Variants in CNTNAP2 observed in about 807,000 individuals in gnomAD.
The protein encoded by CNTNAP2 is contactin associated protein 2.
Under a neutral mutation model 155.2 loss-of-function variants are expected in CNTNAP2, and 98 were observed. That is an observed-to-expected ratio of 0.63 (90% CI 0.54 to 0.75). The LOEUF is 0.75. CNTNAP2 is among the 30% of genes least tolerant of loss of function. CNTNAP2 has a pLI of 0.00. For missense variants in CNTNAP2, 1,727 were observed against 1,688.1 expected, an observed-to-expected ratio of 1.02 and a Z score of -0.40; for synonymous variants, 651 against 631.2, an observed-to-expected ratio of 1.03 and a Z score of -0.47.
intron 1 of CNTNAP2, among the ~76,000 whole-genome samples, chr7:146,586,628 C>T (rs1176351878): frequency 2.0e-5 from 3 of 152,018 alleles, no homozygotes; most frequent in Non-Finnish European, 4.4e-5. Flanking sequence ...CACACATAAA[C>T]ATGCACACAT....
At chr7:146,341,935 T>A (rs936517785) in intron 1 of CNTNAP2, among the ~76,000 whole-genome samples, 4 of 152,216 alleles carry the variant, frequency 2.6e-5, no homozygotes, top group Admixed American at 2.0e-4. Context: ...AAAAACATTT[T>A]AGTACTTTAT....
At chr7:147,840,334 G>A (rs1285405862) in intron 13 of CNTNAP2, among the ~76,000 whole-genome samples, 4 of 151,918 alleles carry the variant, frequency 2.6e-5, no homozygotes, top group Non-Finnish European at 4.4e-5. Flanking sequence ...TTTAAAAAAC[G>A]AAAACAAAAT....
chr7:148,001,402 G>A (rs1801895000), intron 15 of CNTNAP2, among the ~76,000 whole-genome samples: 1 of 152,204 alleles, frequency 6.6e-6, no homozygotes, highest in Non-Finnish European at 1.5e-5. Flanking sequence ...GTTCTCAGCA[G>A]CCCACCTGGA....
chr7:146,739,120 G>C (rs1801667709), intron 1 of CNTNAP2, among the ~76,000 whole-genome samples: 1 of 151,416 alleles, frequency 6.6e-6, no homozygotes, highest in Admixed American at 6.6e-5. Flanking sequence ...CACTTTTCTA[G>C]TCTCTATTTT....
chr7:147,238,045 C>T (rs374991696), intron 8 of CNTNAP2, among the ~76,000 whole-genome samples: 12 of 152,270 alleles, frequency 7.9e-5, no homozygotes, highest in East Asian at 3.9e-4. Context: ...GACGGAGTCT[C>T]GCTCTGTCGC....
chr7:146,872,162 A>ATTTTTTTTTTTTTTTTTTT (rs144291754), intron 3 of CNTNAP2, among the ~76,000 whole-genome samples: 6 of 111,534 alleles, frequency 5.4e-5, no homozygotes, highest in Non-Finnish European at 7.3e-5. Flanking sequence ...AAATTATTGA[A>ATTTTTTTTTTTTTTTTTTT]TTTTTTTTTT....
At chr7:146,953,592 G>A (rs1252939602) in intron 3 of CNTNAP2, among the ~76,000 whole-genome samples, 1 of 151,864 alleles carries the variant, frequency 6.6e-6, no homozygotes, top group Admixed American at 6.6e-5. Context: ...AATACCTCTT[G>A]CATCATATAT....
chr7:146,829,790 A>G (rs112269091), intron 2 of CNTNAP2, among the ~76,000 whole-genome samples: 418 of 152,176 alleles, frequency 2.7e-3, no homozygotes, highest in African/African-American at 9.3e-3. Flanking sequence ...CTTCAGAGCA[A>G]TGTTACGAGA....
intron 10 of CNTNAP2, among the ~76,000 whole-genome samples, chr7:147,459,970 C>T (rs1294468573): frequency 5.9e-5 from 9 of 152,032 alleles, no homozygotes; most frequent in Non-Finnish European, 1.2e-4. Context: ...GGGAGGGGAA[C>T]ATCACACACC....
chr7:146,148,558 A>T (rs908155654), intron 1 of CNTNAP2, among the ~76,000 whole-genome samples: 4 of 152,130 alleles, frequency 2.6e-5, no homozygotes. Context: ...CCTACTGATA[A>T]AGACGTGCAC....
At position 146,550,419 on chromosome 7, in the gene CNTNAP2, T is replaced by TG. The variant is rs1201636256; in HGVS notation, c.98-223852_98-223851insG. ...TTAATCTGTTTTTTTTTTTTTTTTT[T>TG]TTTTTTTTTTATAAAGTACCCGAGA... On this transcript the variant is annotated intron_variant, in intron 1 of 23. Coordinates refer to ENST00000361727, the MANE Select transcript of CNTNAP2 (RefSeq NM_014141.6). Among the ~76,000 whole-genome samples the TG allele has an allele frequency of 2.0e-3, 288 of 142,358 alleles. 10 individuals carry two copies. Among genetic ancestry groups the TG allele is most frequent in the Middle Eastern group, 7.0e-3 (2 of 284 alleles). 93.4% of individuals were successfully genotyped at this position (142,358 alleles called of 152,430 possible).
At chr7:146,657,800 T>C (rs980336735) in intron 1 of CNTNAP2, among the ~76,000 whole-genome samples, 13 of 152,098 alleles carry the variant, frequency 8.5e-5, no homozygotes, top group Admixed American at 7.9e-4. Context: ...AAAGCAAAGA[T>C]TTGTCAAAGA....
At chr7:147,575,936 A>G (rs1011633443) in intron 12 of CNTNAP2, among the ~76,000 whole-genome samples, 18 of 152,022 alleles carry the variant, frequency 1.2e-4, no homozygotes, top group African/African-American at 3.9e-4. Context: ...AGATATTAAC[A>G]TTCTCTGTAA....
chr7:148,387,733 G>A (rs1799246159), intron 22 of CNTNAP2, among the ~76,000 whole-genome samples: 1 of 148,536 alleles, frequency 6.7e-6, no homozygotes, highest in Non-Finnish European at 1.5e-5. Flanking sequence ...TACCTGGGGA[G>A]CTTTTTAAAA....
intron 3 of CNTNAP2, among the ~76,000 whole-genome samples, chr7:146,928,163 T>C (rs936912435): frequency 1.3e-5 from 2 of 151,618 alleles, no homozygotes; most frequent in Non-Finnish European, 2.9e-5. Flanking sequence ...CAATGACCAG[T>C]GTAAAAATAA....
rs2116461375 is a variant in CNTNAP2 at position 147,728,387 on chromosome 7, A to G, written c.2098+89081A>G. 2.6e-5 allele frequency among the ~76,000 whole-genome samples: 4 copies of G among 152,198 alleles called. 1 individual carries two copies. The South Asian group carries it at 8.3e-4, about 32-fold the overall frequency. On this transcript the variant is annotated intron_variant, in intron 13 of 23. Coordinates refer to ENST00000361727, the MANE Select transcript of CNTNAP2 (RefSeq NM_014141.6). ...ATGTGTGTCATATATTATTTTGGAA[A>G]AAGAGGATTTTTAAACTGAATTCTT...
At chr7:147,878,816 A>G (rs192690648) in intron 13 of CNTNAP2, among the ~76,000 whole-genome samples, 6 of 152,314 alleles carry the variant, frequency 3.9e-5, no homozygotes, top group African/African-American at 1.2e-4. Flanking sequence ...TACTGAATAA[A>G]TTCTTACCAA....
chr7:147,598,310 G>C (rs1238129962), intron 12 of CNTNAP2, among the ~76,000 whole-genome samples: 1 of 151,834 alleles, frequency 6.6e-6, no homozygotes, highest in African/African-American at 2.4e-5. Flanking sequence ...TTAGGTATTT[G>C]TCCTAATGCT....
intron 1 of CNTNAP2, among the ~76,000 whole-genome samples, chr7:146,646,524 A>G (rs564672132): frequency 1.0e-3 from 154 of 152,328 alleles, no homozygotes; most frequent in Non-Finnish European, 1.8e-3. Flanking sequence ...GTAAAAGTAT[A>G]TATACACACA....
Sources: allele counts gnomAD v4.1 joint callset (sites outside exome capture counted in the v4.1 genomes callset), GRCh38; gene constraint gnomAD v4.1.1; transcripts MANE v1.5; gene names NCBI Gene and HGNC (gene_info 2026-07-23, HGNC 2026-07-21).